The following ROBO2 variants were observed in gnomAD, a reference collection of about 807,000 sequenced individuals.
ROBO2 encodes roundabout guidance receptor 2.
A neutral mutation model predicts 160.8 loss-of-function variants in ROBO2; 53 were observed. The observed-to-expected ratio is 0.33, with a 90% CI of 0.26 to 0.41. The LOEUF is 0.41. Ranked by LOEUF, ROBO2 falls within the 10% of genes least tolerant of loss-of-function variation. The probability of loss-of-function intolerance (pLI) is 1.00; values close to 1 mark genes in which losing one functional copy is unlikely to be tolerated. For missense variants in ROBO2, 1,577 were observed against 1,722.4 expected, an observed-to-expected ratio of 0.92 and a Z score of 1.49; for synonymous variants, 664 against 611.7, an observed-to-expected ratio of 1.09 and a Z score of -1.26.
intron 2 of ROBO2, among the ~76,000 whole-genome samples, chr3:76,867,338 T>C (rs2071487646): frequency 6.6e-6 from 1 of 152,192 alleles, no homozygotes; most frequent in South Asian, 2.1e-4. Flanking sequence ...TCTAGTGCTA[T>C]TGAGGAATGT....
intron 6 of ROBO2, among the ~76,000 whole-genome samples, chr3:77,533,202 T>C (rs1483408816): frequency 1.3e-5 from 2 of 152,164 alleles, no homozygotes; most frequent in Non-Finnish European, 2.9e-5. Context: ...GGCCTGGTGA[T>C]ACAGAATCAC....
chr3:77,467,931 A>AT (rs2082956534), intron 2 of ROBO2, among the ~76,000 whole-genome samples: 1 of 152,122 alleles, frequency 6.6e-6, no homozygotes, highest in Non-Finnish European at 1.5e-5. Flanking sequence ...GCATGGTGAG[A>AT]TGGGTTTTTG....
At chr3:76,195,982 C>T (rs773444681) in intron 2 of ROBO2, among the ~76,000 whole-genome samples, 4 of 152,034 alleles carry the variant, frequency 2.6e-5, no homozygotes, top group Admixed American at 6.6e-5. Context: ...TTTCCCTTCT[C>T]GCATAAACCC....
chr3:76,424,827 C>T (rs1025089951), intron 2 of ROBO2, among the ~76,000 whole-genome samples: 4 of 152,236 alleles, frequency 2.6e-5, no homozygotes, highest in East Asian at 1.9e-4. Flanking sequence ...TATTGCCAAT[C>T]GTGCTACAAT....
At chr3:77,117,310 G>A (rs186740828) in intron 2 of ROBO2, among the ~76,000 whole-genome samples, 3 of 152,130 alleles carry the variant, frequency 2.0e-5, no homozygotes, top group Admixed American at 2.0e-4. Context: ...TTAAATGTTT[G>A]GTCTACTACA....
At chr3:76,135,989 A>G (rs2071416532) in intron 2 of ROBO2, among the ~76,000 whole-genome samples, 1 of 152,112 alleles carries the variant, frequency 6.6e-6, no homozygotes, top group Non-Finnish European at 1.5e-5. Flanking sequence ...ATAAAGCTTA[A>G]AATAGGTATC....
rs536187522 is a variant in ROBO2, at chr3:76,249,519, A to G, written c.109+311917A>G. Among the ~76,000 whole-genome samples the G allele has an allele frequency of 2.6e-5, 4 of 151,926 alleles. No individual in the cohort carries two copies. The South Asian group carries it at 6.2e-4, about 24-fold the overall frequency. ...ACTGCCTAAAGCAGAAAGAAAAGTT[A>G]TTATTATTTTGCAATCTTACTTTTC... On this transcript the variant is annotated intron_variant, in intron 2 of 26. Transcript: ENST00000487694.
intron 2 of ROBO2, among the ~76,000 whole-genome samples, chr3:77,197,387 A>G (rs1269239708): frequency 2.0e-5 from 3 of 152,344 alleles, no homozygotes; most frequent in East Asian, 1.9e-4. Flanking sequence ...AACTGGGTCC[A>G]TGAGGCACAC....
intron 2 of ROBO2, among the ~76,000 whole-genome samples, chr3:76,855,511 C>G (rs377028927): frequency 6.6e-6 from 1 of 152,182 alleles, no homozygotes; most frequent in African/African-American, 2.4e-5. Flanking sequence ...AGAAATAGTT[C>G]TCTTTTGATA....
intron 2 of ROBO2, among the ~76,000 whole-genome samples, chr3:77,116,819 A>G (rs78813072): frequency 0.017 from 2,515 of 152,226 alleles, 53 homozygotes; most frequent in African/African-American, 0.057. Context: ...GTGATTAAAC[A>G]TATTTATTTA....
Position 76,057,777 on chromosome 3 carries a change from T to C in ROBO2, c.109+120175T>C, listed in dbSNP as rs972951735. On this transcript the variant is annotated intron_variant, in intron 2 of 26. Coordinates refer to the ROBO2 transcript ENST00000487694. ...TTTCCTTGTTGAAGTAACAATTCAA[T>C]TGGTTTTTTTTTGTCTGAAAAATCA... 2.8e-4 allele frequency among the ~76,000 whole-genome samples: 41 copies of C among 148,910 alleles called. 1 individual carries two copies. The highest frequency in any genetic ancestry group is 6.2e-4 in the South Asian group (3 of 4,822).
At chr3:76,211,774 A>T (rs1411867302) in intron 2 of ROBO2, among the ~76,000 whole-genome samples, 2 of 152,066 alleles carry the variant, frequency 1.3e-5, no homozygotes, top group Non-Finnish European at 2.9e-5. Flanking sequence ...ATGATGGATA[A>T]AAGATGAATT....
At chr3:77,381,985 A>G (rs926744961) in intron 2 of ROBO2, among the ~76,000 whole-genome samples, 6 of 152,114 alleles carry the variant, frequency 3.9e-5, no homozygotes, top group African/African-American at 1.4e-4. Context: ...TGCATTTTCA[A>G]TCCCTTCTCA....
intron 2 of ROBO2, among the ~76,000 whole-genome samples, chr3:76,925,230 A>T (rs1194828631): frequency 6.6e-6 from 1 of 151,464 alleles, no homozygotes; most frequent in Non-Finnish European, 1.5e-5. Context: ...AAAAAAAAAA[A>T]ATCTGGTTTG....
At chr3:76,169,899 G>A (rs1340857084) in intron 2 of ROBO2, among the ~76,000 whole-genome samples, 1 of 152,058 alleles carries the variant, frequency 6.6e-6, no homozygotes, top group Non-Finnish European at 1.5e-5. Context: ...TCCTGCCTCA[G>A]CCTCCCGAGT....
intron 2 of ROBO2, among the ~76,000 whole-genome samples, chr3:76,657,400 G>T (rs1244813997): frequency 6.7e-6 from 1 of 150,018 alleles, no homozygotes; most frequent in Non-Finnish European, 1.5e-5. Flanking sequence ...ACTCCAGCCT[G>T]GGCCACAGAG....
At chr3:77,492,857 A>G (rs936160749) in intron 4 of ROBO2, among the ~76,000 whole-genome samples, 1 of 152,110 alleles carries the variant, frequency 6.6e-6, no homozygotes, top group Non-Finnish European at 1.5e-5. Flanking sequence ...ATCCCTTTCA[A>G]CTTTTAGTTT....
chr3:77,504,852 T>C (rs2088234902), intron 5 of ROBO2, among the ~76,000 whole-genome samples: 1 of 152,216 alleles, frequency 6.6e-6, no homozygotes. Flanking sequence ...AGGCTCTTTA[T>C]GGCTTCAGAA....
At chr3:76,317,469 A>G (rs2072130061) in intron 2 of ROBO2, among the ~76,000 whole-genome samples, 1 of 152,180 alleles carries the variant, frequency 6.6e-6, no homozygotes, top group Non-Finnish European at 1.5e-5. Flanking sequence ...AAAAAAAGAA[A>G]GCAACACTGT....
Sources: gnomAD v4.1 joint callset for allele counts (sites outside exome capture counted in the v4.1 genomes callset) on GRCh38, gnomAD v4.1.1 for gene constraint, MANE v1.5 for transcripts, NCBI Gene and HGNC (gene_info 2026-07-23, HGNC 2026-07-21) for gene names.